Variants in AASS observed in about 807,000 individuals in gnomAD.
The protein encoded by AASS is aminoadipate-semialdehyde synthase.
In AASS, 86 loss-of-function variants were observed where a neutral mutation model predicts 105.4. The observed-to-expected ratio is 0.82, with a 90% CI of 0.69 to 0.98. AASS has a LOEUF of 0.98. Among genes scored for constraint, AASS ranks in the 50% least tolerant of loss-of-function variants. AASS has a pLI of 0.00. For missense variants in AASS, 1,048 were observed against 1,143.2 expected (o/e 0.92, Z 1.20); for synonymous variants, 381 against 394.8 (o/e 0.96, Z 0.41).
chr7:122,119,263 C>T (rs1358934041), intron 4 of AASS, among the ~76,000 whole-genome samples: 1 of 152,134 alleles, frequency 6.6e-6, no homozygotes, highest in Admixed American at 6.5e-5. Context: ...ATATTATTCA[C>T]CCTCAGGATT....
chr7:122,085,960 A>T, intron 19 of AASS, 52 bp downstream of exon 19: 9 of 1,591,060 alleles, frequency 5.7e-6, no homozygotes, highest in Non-Finnish European at 7.8e-6. Flanking sequence ...AAGTGTACAC[A>T]TCACTTACAT....
intron 1 of AASS, among the ~76,000 whole-genome samples, chr7:122,139,751 G>A (rs1241275709): frequency 2.6e-5 from 4 of 152,080 alleles, no homozygotes; most frequent in Non-Finnish European, 5.9e-5. Context: ...TGAGGAGTTC[G>A]AGACCAGCCT....
Position 122,076,602 on chromosome 7 carries a change from T to C in AASS, c.2668A>G (p.Ile890Val), listed in dbSNP as rs1304436797. 1.2e-6 allele frequency: 2 copies of C among 1,602,540 alleles called. No individual in the cohort carries two copies. The highest frequency in any genetic ancestry group is 2.7e-5 in the African/African-American group (2 of 74,644). ...MAAKMLLDGE[I>V]GAKGLMGPFS... ...GGCCCCATTAGGCCTTTGGCTCCAA[T>C]TTCACCTGGAAGAAAATAAATGTGT... Residue 890 changes from isoleucine to valine, a missense_variant, in exon 24 of 24, where the codon ATT (isoleucine) becomes GTT (valine). Transcript: ENST00000417368.
intron 22 of AASS, 71 bp downstream of exon 22, chr7:122,078,791 T>C (rs1337743771): frequency 6.9e-7 from 1 of 1,442,312 alleles, no homozygotes; most frequent in African/African-American, 1.4e-5. Context: ...AACCCTCCAA[T>C]ACGATTATCT....
chr7:122,108,376 T>G (rs1794767943), intron 11 of AASS, among the ~76,000 whole-genome samples: 1 of 151,932 alleles, frequency 6.6e-6, no homozygotes, highest in South Asian at 2.1e-4. Flanking sequence ...ACAAAAAAAG[T>G]AAACTTCAGG....
intron 2 of AASS, among the ~76,000 whole-genome samples, chr7:122,129,977 A>G (rs1010358427): frequency 1.3e-5 from 2 of 152,120 alleles, no homozygotes; most frequent in Non-Finnish European, 2.9e-5. Context: ...TACTATCCTT[A>G]CTGTACATTA....
intron 18 of AASS, 129 bp downstream of exon 18, chr7:122,091,574 C>T: frequency 7.1e-7 from 1 of 1,403,946 alleles, no homozygotes; most frequent in Admixed American, 1.9e-5. Context: ...CACTGGGAAA[C>T]AACACAGGAG....
chr7:122,115,336 T>A, intron 8 of AASS, 114 bp from the exon 9 acceptor site: 1 of 1,361,018 alleles, frequency 7.3e-7, no homozygotes, highest in Non-Finnish European at 1.0e-6. Flanking sequence ...AACTTCTAAT[T>A]GATTTTCTTA....
intron 12 of AASS, 79 bp downstream of exon 12, chr7:122,101,542 G>T: frequency 1.4e-6 from 2 of 1,480,540 alleles, no homozygotes; most frequent in Non-Finnish European, 1.9e-6. Context: ...AAGATGGAGA[G>T]AGAGAGAAAC....
At chr7:122,098,718 C>A (rs549638183) in intron 14 of AASS, 27 bp downstream of exon 14, 3 of 1,602,450 alleles carry the variant, frequency 1.9e-6, no homozygotes, top group Non-Finnish European at 2.6e-6. Context: ...ATACATTTTT[C>A]TTCTTCAAAA....
Position 122,118,388 on chromosome 7 carries a change from G to A in AASS, c.606C>T (p.Gly202=). ...GCATCAAACCCAAAGATATTTCATA[G>A]CCAGCATCACGGACAGCTTGCACAG... ...SQAVQAVRDA[G]YEISLGLMPK... Residue 202 remains glycine, a synonymous_variant, in exon 6 of 24, where the codon GGC becomes GGT. Transcript: ENST00000417368. 1 of 1,614,144 alleles carries A rather than the reference G, an allele frequency of 6.2e-7. No individual in the cohort carries two copies. The highest frequency in any genetic ancestry group is 1.1e-5 in the South Asian group (1 of 91,086).
In AASS at chr7:122,118,585, A is replaced by C; in HGVS notation, c.518T>G (p.Leu173Trp). 3 of 1,614,122 alleles carry C rather than the reference A, an allele frequency of 1.9e-6. No individual in the cohort carries two copies. Among genetic ancestry groups the C allele is most frequent in the Non-Finnish European group, 2.5e-6 (3 of 1,179,992 alleles). ...LHGMGLRLLA[L>W]GHHTPFMHIG... ...TACCATAAAAGGTGTGTGATGTCCCAAAGCAAGGAGCCTTAAACCCATTCC... is the reference window on the plus strand; with the variant it reads ...TACCATAAAAGGTGTGTGATGTCCCCAAGCAAGGAGCCTTAAACCCATTCC... The change falls in exon 5 of 24, where the codon TTG becomes TGG. Residue 173 changes from leucine to tryptophan, a missense_variant. Coordinates refer to ENST00000417368, the MANE Select transcript of AASS (RefSeq NM_005763.4).
rs1419323745 is a variant in AASS, at chr7:122,113,722, T to C, written c.1044-2A>G. 1 of 1,612,380 alleles carries C rather than the reference T, an allele frequency of 6.2e-7. No individual in the cohort carries two copies. Among genetic ancestry groups the C allele is most frequent in the Non-Finnish European group, 8.5e-7 (1 of 1,179,842 alleles). On this transcript the variant is annotated splice_acceptor_variant, in intron 9 of 23. Transcript: ENST00000417368. LOFTEE classifies it high-confidence loss of function. ...GAAATGTCACATATTGCCACGAGTC[T>C]GAAAATAACATCAATACTTAGATGA...
In AASS at chr7:122,108,066, T is replaced by G. The variant is rs187270685; in HGVS notation, c.1278+5052A>C. On this transcript the variant is annotated intron_variant, in intron 11 of 23. Coordinates refer to ENST00000417368, the MANE Select transcript of AASS (RefSeq NM_005763.4). ...TGATATGCCAAAAACTTGGAAAACC[T>G]AGAAGAAATGAACAAATTCCTGGAC... is the stretch of plus-strand genomic sequence containing the variant. Among the ~76,000 whole-genome samples, 17 of 151,104 alleles carry G rather than the reference T, an allele frequency of 1.1e-4. No individual in the cohort carries two copies. In the East Asian group the frequency reaches 2.9e-3, roughly 26 times the overall value.
intron 11 of AASS, among the ~76,000 whole-genome samples, chr7:122,109,192 T>C (rs942532738): frequency 6.6e-6 from 1 of 150,642 alleles, no homozygotes; most frequent in African/African-American, 2.5e-5. Context: ...AATGGAAGAA[T>C]TTATATTGTT....
chr7:122,131,759 A>T (rs1795928784), intron 2 of AASS, among the ~76,000 whole-genome samples: 2 of 152,206 alleles, frequency 1.3e-5, no homozygotes, highest in South Asian at 4.1e-4. Context: ...AATAAAAGAA[A>T]ACAAGTCTTC....
chr7:122,086,135 C>A lies in AASS; in HGVS notation c.2061G>T (p.Thr687=). 1 of 1,613,436 alleles carries A rather than the reference C, an allele frequency of 6.2e-7. No individual in the cohort carries two copies. The highest frequency in any genetic ancestry group is 1.1e-5 in the South Asian group (1 of 91,052). ...TTAATCCTGGAAAAAAATCCATGGA[C>A]GTAACGGCATCAAGAAAGGAGATGC... ...AGGISFLDAV[T]SMDFFPGLNL... is the part of the protein sequence containing the mutation. Residue 687 remains threonine (T), a synonymous_variant, in exon 19 of 24, where the codon ACG becomes ACT. Transcript: ENST00000417368.
At chr7:122,131,078 T>G (rs1174953828) in intron 2 of AASS, among the ~76,000 whole-genome samples, 1 of 150,536 alleles carries the variant, frequency 6.6e-6, no homozygotes, top group Non-Finnish European at 1.5e-5. Context: ...GAAACAAAAG[T>G]AACCTCTTTG....
chr7:122,137,855 T>TG (rs1448341355), intron 1 of AASS, among the ~76,000 whole-genome samples: 1 of 152,114 alleles, frequency 6.6e-6, no homozygotes, highest in Non-Finnish European at 1.5e-5. Context: ...GGAGGGAAGA[T>TG]CAGGGTTTAC....
Sources: allele counts gnomAD v4.1 joint callset (sites outside exome capture counted in the v4.1 genomes callset), GRCh38; gene constraint gnomAD v4.1.1; transcripts MANE v1.5; gene names NCBI Gene and HGNC (gene_info 2026-07-23, HGNC 2026-07-21).